Variants in KLHL29 observed in about 807,000 individuals in gnomAD.
KLHL29 encodes kelch-like protein 29.
A neutral mutation model predicts 80.4 loss-of-function variants in KLHL29; 21 were observed. The observed-to-expected ratio is 0.26, with a 90% CI of 0.19 to 0.38. The LOEUF is 0.38. Among genes scored for constraint, KLHL29 ranks in the 10% least tolerant of loss-of-function variants. The probability of loss-of-function intolerance (pLI) is 1.00; values close to 1 mark genes in which losing one functional copy is unlikely to be tolerated. For missense variants in KLHL29, 867 were observed against 1,223.9 expected (o/e 0.71, Z 4.35); for synonymous variants, 511 against 526.8 (o/e 0.97, Z 0.41).
At chr2:23,460,706 C>G (rs1664184848) in intron 1 of KLHL29, among the ~76,000 whole-genome samples, 1 of 151,642 alleles carries the variant, frequency 6.6e-6, no homozygotes, top group African/African-American at 2.4e-5. Context: ...CGTGCAAACT[C>G]AGGAGCTTCC....
intron 11 of KLHL29, among the ~76,000 whole-genome samples, chr2:23,698,764 T>TGTCA (rs1672163208): frequency 6.6e-6 from 1 of 152,292 alleles, no homozygotes; most frequent in East Asian, 1.9e-4. Flanking sequence ...GTCATTTGCA[T>TGTCA]GTCATTAGCA....
At chr2:23,641,610 C>T (rs1474864544) in intron 4 of KLHL29, among the ~76,000 whole-genome samples, 2 of 152,248 alleles carry the variant, frequency 1.3e-5, no homozygotes, top group Admixed American at 1.3e-4. Flanking sequence ...TTTCCAAATA[C>T]ATCTTCCTCA....
rs181839896 is a variant in KLHL29, at chr2:23,471,254, T to C, written c.-153-4306T>C. ...CGACCCTGGCGGGGCTGCTTTCTGA[T>C]GCTGTGTCAAACTGGAGGCTCCCTA... On this transcript the variant is annotated intron_variant, in intron 1 of 13. Transcript: ENST00000486442. 2.3e-3 allele frequency among the ~76,000 whole-genome samples: 355 copies of C among 152,316 alleles called. 2 individuals carry two copies. Among genetic ancestry groups the C allele is most frequent in the African/African-American group, 8.0e-3 (331 of 41,574 alleles).
chr2:23,434,171 A>T (rs2103410248), intron 1 of KLHL29, among the ~76,000 whole-genome samples: 1 of 152,064 alleles, frequency 6.6e-6, no homozygotes, highest in African/African-American at 2.4e-5. Flanking sequence ...AATACAAAAA[A>T]TTAGCCGGGC....
At chr2:23,597,487 A>G (rs546021528) in intron 3 of KLHL29, among the ~76,000 whole-genome samples, 53 of 124,260 alleles carry the variant, frequency 4.3e-4, no homozygotes, top group Non-Finnish European at 7.5e-4. Context: ...GCAGTGGCAC[A>G]ATCTTGGCTC....
At chr2:23,571,657 A>T (rs1222671454) in intron 3 of KLHL29, among the ~76,000 whole-genome samples, 1 of 152,178 alleles carries the variant, frequency 6.6e-6, no homozygotes, top group Non-Finnish European at 1.5e-5. Flanking sequence ...CAAGAAAAAA[A>T]GTCATCCTTC....
intron 11 of KLHL29, among the ~76,000 whole-genome samples, chr2:23,702,066 G>A (rs1672427567): frequency 6.6e-6 from 1 of 151,206 alleles, no homozygotes; most frequent in African/African-American, 2.4e-5. Flanking sequence ...CAGATGATCC[G>A]CCCACCTCGG....
rs778433191 is a variant in KLHL29 at position 23,693,351 on chromosome 2, C to T, written c.1365C>T (p.Ala455=). The change falls in exon 8 of 14, where the codon GCC becomes GCT. Residue 455 remains alanine, a synonymous_variant. Transcript: ENST00000486442. The stretch of plus-strand genomic sequence containing the variant: ...AGTGCAGCGAGCTCTACCACATGGC[C>T]AAGGCCTTCGCGCTGCAGATCTTCC... ...AMQCSELYHM[A]KAFALQIFPE... 3.9e-5 allele frequency: 61 copies of T among 1,551,552 alleles called. No homozygotes were observed. Among genetic ancestry groups the T allele is most frequent in the Non-Finnish European group, 5.1e-5 (59 of 1,147,012 alleles).
chr2:23,693,628 C>A, intron 8 of KLHL29, 100 bp downstream of exon 8: 1 of 1,228,570 alleles, frequency 8.1e-7, no homozygotes, highest in Admixed American at 2.2e-5. Context: ...CCTTCCTTGT[C>A]CTGCTCTCCC....
At chr2:23,566,186 G>C (rs564458354) in intron 3 of KLHL29, among the ~76,000 whole-genome samples, 71 of 152,376 alleles carry the variant, frequency 4.7e-4, no homozygotes, top group African/African-American at 1.6e-3. Flanking sequence ...TGGACAAGCA[G>C]ACTCCTGGGC....
chr2:23,400,549 C>T (rs1666574625), intron 1 of KLHL29, among the ~76,000 whole-genome samples: 1 of 152,160 alleles, frequency 6.6e-6, no homozygotes, highest in Non-Finnish European at 1.5e-5. Flanking sequence ...AGCCATGCAG[C>T]TGGGCACCGT....
chr2:23,670,434 C>G (rs1670679852), intron 5 of KLHL29, among the ~76,000 whole-genome samples: 1 of 151,988 alleles, frequency 6.6e-6, no homozygotes, highest in African/African-American at 2.4e-5. Context: ...GGGCACCGTG[C>G]CTGCTACACA....
intron 1 of KLHL29, among the ~76,000 whole-genome samples, chr2:23,437,919 A>G (rs56015990): frequency 1.3e-5 from 2 of 151,934 alleles, no homozygotes; most frequent in Middle Eastern, 3.4e-3. Context: ...CATTTTCGCA[A>G]TATTGATTCT....
chr2:23,439,329 T>C (rs62125370), intron 1 of KLHL29, among the ~76,000 whole-genome samples: 9,227 of 152,236 alleles, frequency 0.061, 333 homozygotes, highest in African/African-American at 0.11. Flanking sequence ...GCTCTGATTT[T>C]AGTTGTTTCT....
intron 3 of KLHL29, among the ~76,000 whole-genome samples, chr2:23,571,299 T>C (rs1458951783): frequency 6.6e-6 from 1 of 151,934 alleles, no homozygotes; most frequent in Non-Finnish European, 1.5e-5. Context: ...GCCTGGTGAG[T>C]TGATTGTGCC....
At chr2:23,703,889 G>C in intron 13 of KLHL29, 26 bp downstream of exon 13, 1 of 1,527,824 alleles carries the variant, frequency 6.5e-7, no homozygotes, top group Non-Finnish European at 8.8e-7. Flanking sequence ...GCCTTGACTA[G>C]GGCTGGGACG....
intron 3 of KLHL29, among the ~76,000 whole-genome samples, chr2:23,564,101 G>A (rs1667526159): frequency 6.6e-6 from 1 of 152,266 alleles, no homozygotes; most frequent in Admixed American, 6.5e-5. Context: ...GGGAGAGAGA[G>A]GCTGGGCCCG....
At chr2:23,517,497 C>G (rs1394814237) in intron 2 of KLHL29, among the ~76,000 whole-genome samples, 2 of 152,208 alleles carry the variant, frequency 1.3e-5, no homozygotes, top group African/African-American at 4.8e-5. Context: ...GAGCCGAGAT[C>G]GTGCCACTGC....
chr2:23,508,762 A>G (rs1445126577), intron 2 of KLHL29, among the ~76,000 whole-genome samples: 1 of 152,224 alleles, frequency 6.6e-6, no homozygotes, highest in Non-Finnish European at 1.5e-5. Flanking sequence ...CAACCTGTGG[A>G]CTCAATACAG....
Sources: gnomAD v4.1 joint callset for allele counts (sites outside exome capture counted in the v4.1 genomes callset) on GRCh38, gnomAD v4.1.1 for gene constraint, MANE v1.5 for transcripts, NCBI Gene and HGNC (gene_info 2026-07-23, HGNC 2026-07-21) for gene names.